The following CTNNA3 variants were observed in gnomAD, a reference collection of about 807,000 sequenced individuals.
CTNNA3 encodes catenin alpha-3.
A neutral mutation model predicts 95.7 loss-of-function variants in CTNNA3; 76 were observed. The ratio of observed to expected loss-of-function variants is 0.79; its 90% confidence interval spans 0.66 to 0.96. The LOEUF (loss-of-function observed/expected upper bound fraction) is 0.96. CTNNA3 is among the 40% of genes least tolerant of loss of function. The pLI, the probability that CTNNA3 is intolerant of heterozygous loss-of-function variation, is 0.00. For missense variants in CTNNA3, 1,191 were observed against 1,089.8 expected (o/e 1.09, Z -1.31); for synonymous variants, 431 against 374.4 (o/e 1.15, Z -1.74).
At chr10:66,238,773 T>G (rs2089981547) in intron 13 of CTNNA3, among the ~76,000 whole-genome samples, 1 of 151,950 alleles carries the variant, frequency 6.6e-6, no homozygotes, top group South Asian at 2.1e-4. Context: ...ATGATTTTAT[T>G]CTTACATTTT....
intron 1 of CTNNA3, among the ~76,000 whole-genome samples, chr10:67,676,374 T>C (rs1476993109): frequency 6.6e-6 from 1 of 152,198 alleles, no homozygotes; most frequent in Non-Finnish European, 1.5e-5. Context: ...TATAAAATGA[T>C]ATATGTTATG....
At chr10:66,021,715 G>A (rs2079214198) in intron 15 of CTNNA3, among the ~76,000 whole-genome samples, 1 of 152,048 alleles carries the variant, frequency 6.6e-6, no homozygotes. Flanking sequence ...GCAAACCACA[G>A]TATTAGTGTC....
intron 1 of CTNNA3, among the ~76,000 whole-genome samples, chr10:67,709,425 A>G (rs1841094950): frequency 6.6e-6 from 1 of 152,204 alleles, no homozygotes; most frequent in Non-Finnish European, 1.5e-5. Flanking sequence ...ACAATTCATT[A>G]TAGAGGACAG....
chr10:67,448,580 A>G lies in CTNNA3; in HGVS notation c.579+73262T>C, dbSNP rs1267353557. Among the ~76,000 whole-genome samples, 5 of 151,858 alleles carry G rather than the reference A, an allele frequency of 3.3e-5. 1 individual carries two copies. The highest frequency in any genetic ancestry group is 9.7e-5 in the African/African-American group (4 of 41,438). ...GAATGAATGAATAATAAAACATATC[A>G]TTTAATAAACGCTTTTGGGATAATT... On this transcript the variant is annotated intron_variant, in intron 5 of 17. Transcript: ENST00000433211.
chr10:67,398,913 G>A (rs1335545220), intron 5 of CTNNA3, among the ~76,000 whole-genome samples: 1 of 152,120 alleles, frequency 6.6e-6, no homozygotes, highest in African/African-American at 2.4e-5. Context: ...AGTTTCCTGA[G>A]GCCTTCCAGC....
chr10:67,063,024 C>T (rs1855854545), intron 7 of CTNNA3, among the ~76,000 whole-genome samples: 1 of 151,992 alleles, frequency 6.6e-6, no homozygotes, highest in South Asian at 2.1e-4. Context: ...ATGTAAGCAC[C>T]TAATTTCCTA....
intron 5 of CTNNA3, among the ~76,000 whole-genome samples, chr10:67,453,061 G>A (rs767246837): frequency 3.3e-5 from 5 of 152,246 alleles, no homozygotes; most frequent in South Asian, 2.1e-4. Context: ...CATGTTACCA[G>A]ATAGAGACGG....
chr10:66,609,644 G>C (rs777279434), intron 10 of CTNNA3, among the ~76,000 whole-genome samples: 1 of 151,976 alleles, frequency 6.6e-6, no homozygotes, highest in Non-Finnish European at 1.5e-5. Flanking sequence ...CTTAGACACT[G>C]TTGGTGGGAG....
At chr10:66,006,354 C>T (rs1036529191) in intron 15 of CTNNA3, among the ~76,000 whole-genome samples, 3 of 151,822 alleles carry the variant, frequency 2.0e-5, no homozygotes, top group East Asian at 1.9e-4. Context: ...GGAAAGTTAC[C>T]CCTGCAATGT....
intron 10 of CTNNA3, among the ~76,000 whole-genome samples, chr10:66,570,275 ATTTGTTTTGT>A (rs59062164): frequency 0.035 from 5,253 of 151,090 alleles, 326 homozygotes; most frequent in African/African-American, 0.12. Flanking sequence ...CAAAAATATG[ATTTGTTTTGT>A]TTTGTTTTGT....
chr10:67,644,060 G>A (rs568462647), intron 2 of CTNNA3, among the ~76,000 whole-genome samples: 178 of 152,192 alleles, frequency 1.2e-3, no homozygotes, highest in African/African-American at 4.0e-3. Context: ...GTAACAAGAT[G>A]GCTGGGTCAA....
At chr10:66,446,258 G>C (rs2093420333) in intron 11 of CTNNA3, among the ~76,000 whole-genome samples, 1 of 152,126 alleles carries the variant, frequency 6.6e-6, no homozygotes, top group African/African-American at 2.4e-5. Context: ...AAGAGGAGCT[G>C]GTACCATTCC....
intron 1 of CTNNA3, among the ~76,000 whole-genome samples, chr10:67,688,531 G>A (rs7076356): frequency 0.12 from 18,533 of 152,162 alleles, 1,271 homozygotes; most frequent in Non-Finnish European, 0.16. Flanking sequence ...TCAAGCTGCA[G>A]GATAGGATTG....
At chr10:66,628,140 A>G (rs1845003196) in intron 9 of CTNNA3, among the ~76,000 whole-genome samples, 1 of 152,134 alleles carries the variant, frequency 6.6e-6, no homozygotes, top group Non-Finnish European at 1.5e-5. Flanking sequence ...CAAGTTAAAT[A>G]CCCCGAAAAT....
intron 11 of CTNNA3, among the ~76,000 whole-genome samples, chr10:66,447,695 AC>A (rs1209785672): frequency 5.9e-5 from 9 of 152,282 alleles, no homozygotes; most frequent in African/African-American, 1.9e-4. Context: ...TAAAGACTTA[AC>A]ATGTTAGACC....
chr10:67,744,445 G>C (rs1220835932), intron 1 of CTNNA3, among the ~76,000 whole-genome samples: 1 of 151,270 alleles, frequency 6.6e-6, no homozygotes, highest in Admixed American at 6.6e-5. Flanking sequence ...AAACTGGCTA[G>C]CCATATGTAG....
At chr10:67,551,049 A>G (rs1335904634) in intron 3 of CTNNA3, among the ~76,000 whole-genome samples, 1 of 152,086 alleles carries the variant, frequency 6.6e-6, no homozygotes, top group Non-Finnish European at 1.5e-5. Context: ...CTAGGTGAGG[A>G]CAGGCACTCC....
chr10:67,707,540 A>G lies in CTNNA3; in HGVS notation c.-2+55894T>C, dbSNP rs537966827. ...CTTCTCATAGAGGTCTTTCTTTACT[A>G]TTTTTTATCTCACTGTTCCCAGTCA... On this transcript the variant is annotated intron_variant, in intron 1 of 17. Transcript: ENST00000684154. Among the ~76,000 whole-genome samples, 6 of 151,858 alleles carry G rather than the reference A, an allele frequency of 4.0e-5. No individual in the cohort carries two copies. In the East Asian group the frequency reaches 1.2e-3, roughly 29 times the overall value.
At chr10:66,182,542 A>C (rs941254139) in intron 13 of CTNNA3, among the ~76,000 whole-genome samples, 1 of 152,194 alleles carries the variant, frequency 6.6e-6, no homozygotes, top group Non-Finnish European at 1.5e-5. Flanking sequence ...GGCGTGAGCC[A>C]CCGCGCCCGG....
Sources: allele counts gnomAD v4.1 joint callset (sites outside exome capture counted in the v4.1 genomes callset), GRCh38; gene constraint gnomAD v4.1.1; transcripts MANE v1.5; gene names NCBI Gene and HGNC (gene_info 2026-07-23, HGNC 2026-07-21).